The following ADGRL2 variants were observed in gnomAD, a reference collection of about 807,000 sequenced individuals.
ADGRL2 encodes adhesion G protein-coupled receptor L2.
In ADGRL2, 44 loss-of-function variants were observed where a neutral mutation model predicts 157.4. The observed-to-expected ratio is 0.28, with a 90% CI of 0.22 to 0.36. The LOEUF (loss-of-function observed/expected upper bound fraction) is 0.36, where lower values mean the gene tolerates loss of function less well. Ranked by LOEUF, ADGRL2 falls within the 10% of genes least tolerant of loss-of-function variation. The pLI is 1.00. For missense variants in ADGRL2, 1,510 were observed against 1,768.9 expected (o/e 0.85, Z 2.63); for synonymous variants, 585 against 624.7 (o/e 0.94, Z 0.95).
intron 1 of ADGRL2, among the ~76,000 whole-genome samples, chr1:81,760,356 T>G (rs546123283): frequency 1.3e-5 from 2 of 152,280 alleles, no homozygotes; most frequent in Admixed American, 1.3e-4. Flanking sequence ...TAATTAAATC[T>G]AACCCCTTTA....
chr1:81,741,117 T>TA (rs200497408), intron 1 of ADGRL2, among the ~76,000 whole-genome samples: 103 of 138,930 alleles, frequency 7.4e-4, no homozygotes, highest in South Asian at 1.4e-3. Flanking sequence ...AAGGGAATTC[T>TA]AAAAAAAAAA....
intron 1 of ADGRL2, among the ~76,000 whole-genome samples, chr1:81,370,524 C>A (rs1345583273): frequency 6.6e-6 from 1 of 152,094 alleles, no homozygotes; most frequent in African/African-American, 2.4e-5. Context: ...ATTGTTCCTA[C>A]ATGAAAATTA....
intron 2 of ADGRL2, among the ~76,000 whole-genome samples, chr1:81,572,935 G>C (rs1050024259): frequency 6.7e-6 from 1 of 150,096 alleles, no homozygotes; most frequent in Non-Finnish European, 1.5e-5. Flanking sequence ...AATGTTTATG[G>C]GAACGTAGTT....
chr1:81,822,060 G>A (rs1485994614), intron 1 of ADGRL2, among the ~76,000 whole-genome samples: 1 of 131,064 alleles, frequency 7.6e-6, no homozygotes, highest in Non-Finnish European at 1.6e-5. Context: ...CATAGCTGAA[G>A]TTTAATTCCC....
chr1:81,487,720 T>C (rs12091908), intron 2 of ADGRL2, among the ~76,000 whole-genome samples: 8,640 of 152,154 alleles, frequency 0.057, 821 homozygotes, highest in African/African-American at 0.2. Context: ...TAAAATTGTA[T>C]ATTCAATAAT....
rs1367650558 is a variant in ADGRL2 at position 81,455,311 on chromosome 1, AAAG to A, written c.-248+10224_-248+10226del. On this transcript the variant is annotated intron_variant, in intron 2 of 24. Transcript: ENST00000370721. ...TGGAAAGGAAACTAGGACGTCTTAG[AAAG>A]ATAAAGAGGAGGCAGGATGCACAAG... Among the ~76,000 whole-genome samples the A allele has an allele frequency of 2.0e-5, 3 of 152,308 alleles. No homozygotes were observed. In the East Asian group the frequency reaches 5.8e-4, roughly 29 times the overall value.
intron 1 of ADGRL2, among the ~76,000 whole-genome samples, chr1:81,436,934 C>A (rs1218693038): frequency 6.6e-6 from 1 of 152,254 alleles, no homozygotes; most frequent in Admixed American, 6.5e-5. Flanking sequence ...CCACACCTTA[C>A]CCCTTTCAGA....
chr1:81,390,764 T>C (rs1332746140), intron 1 of ADGRL2, among the ~76,000 whole-genome samples: 2 of 152,308 alleles, frequency 1.3e-5, no homozygotes, highest in Admixed American at 6.5e-5. Context: ...ATCTTCTTTT[T>C]TGGTACTGCA....
chr1:81,907,743 A>T (rs1026937069), intron 3 of ADGRL2, among the ~76,000 whole-genome samples: 2 of 152,150 alleles, frequency 1.3e-5, no homozygotes, highest in African/African-American at 2.4e-5. Flanking sequence ...ACTTTGCCCC[A>T]CAGCAGTACA....
At chr1:81,660,181 G>A (rs773521708) in intron 3 of ADGRL2, among the ~76,000 whole-genome samples, 3 of 152,144 alleles carry the variant, frequency 2.0e-5, no homozygotes, top group African/African-American at 4.8e-5. Flanking sequence ...TAGACCCAGA[G>A]GTCTAAGGGG....
intron 1 of ADGRL2, among the ~76,000 whole-genome samples, chr1:81,732,287 C>T (rs527556801): frequency 6.6e-6 from 1 of 152,282 alleles, no homozygotes; most frequent in East Asian, 1.9e-4. Flanking sequence ...GTAAGAAATA[C>T]ATCAGCTACA....
At chr1:81,815,433 T>G (rs2149739689) in intron 1 of ADGRL2, among the ~76,000 whole-genome samples, 1 of 151,992 alleles carries the variant, frequency 6.6e-6, no homozygotes, top group Non-Finnish European at 1.5e-5. Flanking sequence ...TGAAAGTATT[T>G]GAATTTCACC....
At chr1:81,701,585 C>T (rs946277496) in intron 1 of ADGRL2, among the ~76,000 whole-genome samples, 1 of 152,130 alleles carries the variant, frequency 6.6e-6, no homozygotes, top group African/African-American at 2.4e-5. Flanking sequence ...CAACCAAATT[C>T]CCAACTATCT....
chr1:81,828,676 A>C (rs2091698814), intron 1 of ADGRL2, among the ~76,000 whole-genome samples: 1 of 152,138 alleles, frequency 6.6e-6, no homozygotes, highest in Non-Finnish European at 1.5e-5. Flanking sequence ...AATAGGTTAT[A>C]AAATTATATT....
rs1350857736 is a variant in ADGRL2, at chr1:81,502,827, C to G, written c.-248+57738C>G. ...CACCTGCTGCGGCTACTGCTGCTGC[C>G]GCTGCCGAGGCCCCTGCCCTCCTCT... On this transcript the variant is annotated intron_variant, in intron 2 of 24. Transcript: ENST00000370721. The G allele has an allele frequency of 4.3e-6, 7 of 1,612,380 alleles. No homozygotes were observed. The East Asian group carries it at 8.9e-5, about 21-fold the overall frequency.
At chr1:81,797,966 T>A (rs912228427), upstream of ADGRL2, among the ~76,000 whole-genome samples, 1 of 152,168 alleles carries the variant, frequency 6.6e-6, no homozygotes, top group Non-Finnish European at 1.5e-5. Context: ...GTTTCCTTTG[T>A]CCTTTGTAGA....
chr1:81,360,221 C>T (rs2075953733), intron 1 of ADGRL2, among the ~76,000 whole-genome samples: 1 of 151,980 alleles, frequency 6.6e-6, no homozygotes, highest in African/African-American at 2.4e-5. Context: ...AAATCAAGAA[C>T]AGCCTTTGAA....
chr1:81,722,005 A>C, intron 1 of ADGRL2: 1 of 503,326 alleles, frequency 2.0e-6, no homozygotes. Flanking sequence ...GAAAATGCAG[A>C]GATAGGACCA....
At chr1:81,890,641 T>A (rs918010952) in intron 2 of ADGRL2, among the ~76,000 whole-genome samples, 77 of 152,262 alleles carry the variant, frequency 5.1e-4, no homozygotes, top group Non-Finnish European at 8.7e-4. Context: ...AAAATATCTC[T>A]TATTGAATCA....
Sources: allele counts gnomAD v4.1 joint callset (sites outside exome capture counted in the v4.1 genomes callset), GRCh38; gene constraint gnomAD v4.1.1; transcripts MANE v1.5; gene names NCBI Gene and HGNC (gene_info 2026-07-23, HGNC 2026-07-21).